The following MLXIPL variants were observed in gnomAD, a reference collection of about 807,000 sequenced individuals.
MLXIPL encodes the protein carbohydrate-responsive element-binding protein.
In MLXIPL, 49 loss-of-function variants were observed where a neutral mutation model predicts 81.5. The observed-to-expected ratio is 0.60, with a 90% CI of 0.48 to 0.76. The LOEUF (loss-of-function observed/expected upper bound fraction) is 0.76, where lower values mean the gene tolerates loss of function less well. Among genes scored for constraint, MLXIPL ranks in the 30% least tolerant of loss-of-function variants. The pLI is 0.00. For synonymous variants in MLXIPL, 466 were observed against 485.5 expected, an observed-to-expected ratio of 0.96 and a Z score of 0.53; for missense variants, 1,053 against 1,167.0, an observed-to-expected ratio of 0.90 and a Z score of 1.42.
chr7:73,628,255 T>C (rs7805504), upstream of MLXIPL, among the ~76,000 whole-genome samples: 33,471 of 151,914 alleles, frequency 0.22, 3,953 homozygotes, highest in African/African-American at 0.31. Flanking sequence ...TCAGGGACTT[T>C]CCTCTGAGCT....
chr7:73,642,479 G>C, the MLXIPL span, among the ~76,000 whole-genome samples: 2 of 152,108 alleles, frequency 1.3e-5, no homozygotes, highest in Admixed American at 6.6e-5. Context: ...AGCCTCTGGA[G>C]TAGCTGGGAC....
the MLXIPL span, among the ~76,000 whole-genome samples, chr7:73,641,979 T>C: frequency 6.6e-6 from 1 of 152,094 alleles, no homozygotes; most frequent in African/African-American, 2.4e-5. Flanking sequence ...TTTCACAAGT[T>C]ATGGGCTTAT....
intron 1 of MLXIPL, among the ~76,000 whole-genome samples, chr7:73,620,504 G>C (rs1175302955): frequency 6.6e-6 from 1 of 150,744 alleles, no homozygotes; most frequent in Admixed American, 6.6e-5. Context: ...ACTTTGGGAG[G>C]CCGAGACGGG....
In MLXIPL at chr7:73,593,741, C is replaced by T; in HGVS notation, c.*124G>A. On this transcript the variant is annotated 3_prime_UTR_variant, in exon 17 of 17. Transcript: ENST00000313375. ...TGTGAAACCTGGACCCTGCTCCACC[C>T]CCCAGGGAAGGGCAGAGCCAGGGCC... 1 of 895,298 alleles carries T rather than the reference C, an allele frequency of 1.1e-6. No individual in the cohort carries two copies. 55.5% of individuals were successfully genotyped at this position (895,298 alleles called of 1,614,324 possible).
the MLXIPL span, among the ~76,000 whole-genome samples, chr7:73,639,445 A>G: frequency 6.6e-6 from 1 of 152,170 alleles, no homozygotes; most frequent in Non-Finnish European, 1.5e-5. Flanking sequence ...ATAAATCCCT[A>G]TAGGGAAATA....
At chr7:73,635,832 A>C in the MLXIPL span, among the ~76,000 whole-genome samples, 4 of 152,164 alleles carry the variant, frequency 2.6e-5, no homozygotes, top group Admixed American at 2.6e-4. Flanking sequence ...TCATCCAACC[A>C]TCCACTCAAA....
chr7:73,626,103 A>G (rs145760748), upstream of MLXIPL, among the ~76,000 whole-genome samples: 1,253 of 152,022 alleles, frequency 8.2e-3, 6 homozygotes, highest in Admixed American at 0.012. Flanking sequence ...TCCCTGGTTC[A>G]AGCGATTCTC....
chr7:73,624,141 G>GT (rs1554602944), intron 1 of MLXIPL, 59 bp downstream of exon 1: 8 of 1,320,822 alleles, frequency 6.1e-6, no homozygotes, highest in African/African-American at 1.6e-5. Context: ...TCCTGCCCCG[G>GT]ACCCCCCCCC....
At chr7:73,637,466 CTCTG>C in the MLXIPL span, among the ~76,000 whole-genome samples, 6 of 150,542 alleles carry the variant, frequency 4.0e-5, no homozygotes, top group Non-Finnish European at 7.4e-5. Flanking sequence ...CAGAGTGAGA[CTCTG>C]TCTGGAAAAA....
intron 7 of MLXIPL, among the ~76,000 whole-genome samples, chr7:73,602,890 G>A (rs529668410): frequency 3.3e-5 from 5 of 152,318 alleles, no homozygotes; most frequent in East Asian, 1.9e-4. Context: ...TCATGGGGCC[G>A]CAAGGCCCTC....
Position 73,596,805 on chromosome 7 carries a change from G to A in MLXIPL, c.1672-16C>T, listed in dbSNP as rs1409498998. 6.2e-7 allele frequency: 1 copy of A among 1,607,716 alleles called. No individual in the cohort carries two copies. Among genetic ancestry groups the A allele is most frequent in the Non-Finnish European group, 8.5e-7 (1 of 1,177,886 alleles). ...CTGTCTCCTGCTGGGGTGGAGAAGGGCGGAGAGTCGGGTTGAAGGCCGTGG... is the reference window on the plus strand; with the variant it reads ...CTGTCTCCTGCTGGGGTGGAGAAGGACGGAGAGTCGGGTTGAAGGCCGTGG... On this transcript the variant is annotated splice_polypyrimidine_tract_variant and intron_variant, in intron 10 of 16. Transcript: ENST00000313375. The surrounding 1 kb of genome is among the most constrained non-coding windows in gnomAD (Gnocchi z 4.7).
At chr7:73,612,246 G>A (rs547207086) in intron 2 of MLXIPL, among the ~76,000 whole-genome samples, 1 of 151,970 alleles carries the variant, frequency 6.6e-6, no homozygotes, top group African/African-American at 2.4e-5. Flanking sequence ...TGGGGGAATT[G>A]CTTGAGCCCA....
chr7:73,607,028 C>A lies in MLXIPL; in HGVS notation c.574-10G>T. On this transcript the variant is annotated splice_polypyrimidine_tract_variant and intron_variant, in intron 4 of 16. Transcript: ENST00000313375. ...TGCTGGGCTTACGGAGCTGCAGGGA[C>A]ACACAGAGTTGGACACCGGATCCCT... 2 of 1,613,280 alleles carry A rather than the reference C, an allele frequency of 1.2e-6. No homozygotes were observed. Among genetic ancestry groups the A allele is most frequent in the Non-Finnish European group, 1.7e-6 (2 of 1,179,718 alleles).
the MLXIPL span, among the ~76,000 whole-genome samples, chr7:73,639,476 C>A: frequency 6.6e-6 from 1 of 152,118 alleles, no homozygotes; most frequent in Non-Finnish European, 1.5e-5. Context: ...GTTAACAGAA[C>A]CTCATCTGTG....
At chr7:73,602,130 G>GCCTTCCGTCCTTCCTTCCTTCCTTCCTT (rs1794900632) in intron 7 of MLXIPL, among the ~76,000 whole-genome samples, 1 of 80,508 alleles carries the variant, frequency 1.2e-5, no homozygotes. Flanking sequence ...CTGCCTGCCT[G>GCCTTCCGTCCTTCCTTCCTTCCTTCCTT]CCTTCCTTCC....
At chr7:73,595,485 C>A in intron 15 of MLXIPL, 152 bp downstream of exon 15, 1 of 1,561,304 alleles carries the variant, frequency 6.4e-7, no homozygotes, top group Non-Finnish European at 8.7e-7. Context: ...ATGGCCAGGG[C>A]ATGGAAGCAG....
In MLXIPL at chr7:73,607,014, C is replaced by A. The variant is rs919046656; in HGVS notation, c.578G>T (p.Arg193Leu). ...GAGGTCATCTTCCCTGCTGGGCTTA[C>A]GGAGCTGCAGGGACACACAGAGTTG... ...KWRIYYKKRL[R>L]KPSREDDLLA... Residue 193 changes from arginine (R) to leucine (L), a missense_variant, in exon 5 of 17, where the codon CGT (arginine) becomes CTT (leucine). This residue lies in a region of MLXIPL where 823 missense variants were observed against 933.0 expected (regional missense o/e 0.88). Transcript: ENST00000313375. 6.2e-7 allele frequency: 1 copy of A among 1,613,644 alleles called. No individual in the cohort carries two copies. Among genetic ancestry groups the A allele is most frequent in the South Asian group, 1.1e-5 (1 of 90,928 alleles).
chr7:73,625,160 G>A (rs1482967100), upstream of MLXIPL, among the ~76,000 whole-genome samples: 1 of 152,076 alleles, frequency 6.6e-6, no homozygotes, highest in Non-Finnish European at 1.5e-5. Flanking sequence ...CTCCAGCCTG[G>A]ATGACAGAGT....
At chr7:73,614,253 C>T (rs905605658) in intron 2 of MLXIPL, among the ~76,000 whole-genome samples, 6 of 152,042 alleles carry the variant, frequency 3.9e-5, no homozygotes, top group Non-Finnish European at 5.9e-5. Context: ...CCCCCCCCAC[C>T]GCCATAATTT....
Sources: gnomAD v4.1 joint callset for allele counts (sites outside exome capture counted in the v4.1 genomes callset) on GRCh38, gnomAD v4.1.1 for gene constraint, gnomAD v4.1.1 regional missense constraint, Gnocchi (gnomAD v3.1) non-coding constraint, MANE v1.5 for transcripts, NCBI Gene and HGNC (gene_info 2026-07-23, HGNC 2026-07-21) for gene names.